The following ANKS1A variants were observed in gnomAD, a reference collection of about 807,000 sequenced individuals.
ANKS1A encodes ankyrin repeat and sterile alpha motif domain containing 1A.
In ANKS1A, 55 loss-of-function variants were observed where a neutral mutation model predicts 120.3. The ratio of observed to expected loss-of-function variants is 0.46; its 90% confidence interval spans 0.37 to 0.57. ANKS1A has a LOEUF of 0.57. Among genes scored for constraint, ANKS1A ranks in the 20% least tolerant of loss-of-function variants. The pLI is 0.00. For missense variants in ANKS1A, 1,123 were observed against 1,480.3 expected (o/e 0.76, Z 3.96); for synonymous variants, 590 against 604.7 (o/e 0.98, Z 0.36).
At position 34,939,410 on chromosome 6, in the gene ANKS1A, T is replaced by C. The variant is rs561774928; in HGVS notation, c.198-27829T>C. Among the ~76,000 whole-genome samples the C allele has an allele frequency of 2.0e-5, 3 of 152,242 alleles. No individual in the cohort carries two copies. The South Asian group carries it at 6.2e-4, about 32-fold the overall frequency. On this transcript the variant is annotated intron_variant, in intron 1 of 23. Coordinates refer to ENST00000360359, the MANE Select transcript of ANKS1A (RefSeq NM_015245.3). ...GGAGTTTGCCTGCAGATCTTGTTGA[T>C]TCAGTGGGCATCTTAGTTGTGGTAT...
chr6:35,053,107 A>G (rs531623792), intron 11 of ANKS1A, among the ~76,000 whole-genome samples: 2 of 152,316 alleles, frequency 1.3e-5, no homozygotes, highest in African/African-American at 2.4e-5. Context: ...TGTTTTTCCA[A>G]TTGTCTGACC....
chr6:34,907,637 A>T (rs1767707004), intron 1 of ANKS1A, among the ~76,000 whole-genome samples: 1 of 152,188 alleles, frequency 6.6e-6, no homozygotes, highest in African/African-American at 2.4e-5. Flanking sequence ...GGTGAAAGGG[A>T]TACGGGGCTC....
chr6:34,981,567 T>C (rs1238226819), intron 3 of ANKS1A, 123 bp from the exon 4 acceptor site: 1 of 1,061,374 alleles, frequency 9.4e-7, no homozygotes, highest in Middle Eastern at 2.6e-4. Context: ...CGACTTTTAT[T>C]AGCCCCCAAG....
Position 34,970,005 on chromosome 6 carries a change from TC to T in ANKS1A, c.279-4del, listed in dbSNP as rs1454105373. 2 of 1,612,952 alleles carry T rather than the reference TC, an allele frequency of 1.2e-6. No homozygotes were observed. Among genetic ancestry groups the T allele is most frequent in the African/African-American group, 2.7e-5 (2 of 75,008 alleles). On this transcript the variant is annotated splice_region_variant and splice_polypyrimidine_tract_variant and intron_variant, in intron 2 of 23. Coordinates refer to ENST00000360359, the MANE Select transcript of ANKS1A (RefSeq NM_015245.3). ...ACCAACTCATGATTGATTTTTGCCTTCTAGGGATGTGGTCGAGGTTCTTCTG... is the reference window on the plus strand; with the variant it reads ...ACCAACTCATGATTGATTTTTGCCTTTAGGGATGTGGTCGAGGTTCTTCTG...
intron 9 of ANKS1A, among the ~76,000 whole-genome samples, chr6:34,991,661 CAT>C (rs1309983468): frequency 1.4e-4 from 14 of 98,070 alleles, no homozygotes; most frequent in Non-Finnish European, 3.1e-4. Context: ...TATATATACA[CAT>C]ATATATACAC....
rs1581761046 is a variant in ANKS1A at position 35,084,550 on chromosome 6, A to C, written c.3132+292A>C. ...ACTATGTTGCCCAGGCTTGCCTTGC[A>C]CTCCTGGGTTCAGGCAAGTTACCCA... On this transcript the variant is annotated intron_variant, in intron 21 of 23. Coordinates refer to ENST00000360359, the MANE Select transcript of ANKS1A (RefSeq NM_015245.3). This position sits in a 1 kb window ranked among gnomAD's most constrained non-coding sequence, Gnocchi z 4.8. Among the ~76,000 whole-genome samples the C allele has an allele frequency of 7.1e-6, 1 of 140,682 alleles. No homozygotes were observed. The highest frequency in any genetic ancestry group is 1.5e-5 in the Non-Finnish European group (1 of 65,944). The allele number at this position is 140,682 out of a possible 152,430, so 92.3% of individuals were successfully genotyped here. A position where few individuals can be genotyped will look rare whatever the true frequency, so the allele number is the denominator to read the frequency against.
At chr6:35,008,289 C>T (rs543813460) in intron 10 of ANKS1A, among the ~76,000 whole-genome samples, 3 of 152,330 alleles carry the variant, frequency 2.0e-5, no homozygotes, top group South Asian at 2.1e-4. Context: ...TCATAGCTCC[C>T]TGCAGCCTCA....
intron 1 of ANKS1A, among the ~76,000 whole-genome samples, chr6:34,941,020 G>A (rs1049980036): frequency 3.3e-5 from 5 of 151,710 alleles, no homozygotes; most frequent in Non-Finnish European, 7.4e-5. Flanking sequence ...ATGGAGTCTT[G>A]CTCTGTCACC....
chr6:35,073,524 C>T (rs1322964406), intron 13 of ANKS1A, among the ~76,000 whole-genome samples: 1 of 152,244 alleles, frequency 6.6e-6, no homozygotes, highest in Admixed American at 6.5e-5. Context: ...TGGGAGCCCT[C>T]CTGTCCCCTC....
At chr6:34,955,556 C>G (rs1163203591) in intron 1 of ANKS1A, among the ~76,000 whole-genome samples, 1 of 152,110 alleles carries the variant, frequency 6.6e-6, no homozygotes, top group Non-Finnish European at 1.5e-5. Context: ...GTTTCGTTTC[C>G]TTCTGCAGAT....
At chr6:35,027,993 C>A (rs1774715957) in intron 11 of ANKS1A, among the ~76,000 whole-genome samples, 1 of 152,270 alleles carries the variant, frequency 6.6e-6, no homozygotes, top group African/African-American at 2.4e-5. Flanking sequence ...TTTTATTTGC[C>A]TGGACAGGTG....
intron 1 of ANKS1A, among the ~76,000 whole-genome samples, chr6:34,917,891 G>A (rs1768242239): frequency 1.3e-5 from 2 of 152,198 alleles, no homozygotes; most frequent in Admixed American, 6.5e-5. Context: ...CCTGGAGAGA[G>A]GAGGAGACTG....
At chr6:34,974,246 CCCCTTCCCCTTCCCCTTCGCTTCCCCTT>C (rs1561882731) in intron 3 of ANKS1A, among the ~76,000 whole-genome samples, 1 of 21,562 alleles carries the variant, frequency 4.6e-5, no homozygotes. Context: ...CGTTCCCGTT[CCCCTTCCCCTTCCCCTTCGCTTCCCCTT>C]CCCTTCCCCT....
rs546264442 is a variant in ANKS1A at position 34,976,870 on chromosome 6, A to G, written c.436-4820A>G. On this transcript the variant is annotated intron_variant, in intron 3 of 23. Transcript: ENST00000360359. The stretch of plus-strand genomic sequence containing the variant: ...GGACATTATGACCCTTTAATCCTAA[A>G]CACTTCCATTTTGGTATTAGTTAGT... Among the ~76,000 whole-genome samples the G allele has an allele frequency of 1.6e-4, 24 of 152,180 alleles. No homozygotes were observed. The East Asian group carries it at 4.6e-3, about 29-fold the overall frequency.
At position 35,085,201 on chromosome 6, in the gene ANKS1A, G is replaced by T. The variant is rs189200289; in HGVS notation, c.3133-565G>T. 7.9e-5 allele frequency among the ~76,000 whole-genome samples: 12 copies of T among 152,230 alleles called. No individual in the cohort carries two copies. The East Asian group carries it at 2.3e-3, about 29-fold the overall frequency. On this transcript the variant is annotated intron_variant, in intron 21 of 23. Transcript: ENST00000360359. This position sits in a 1 kb window ranked among gnomAD's most constrained non-coding sequence, Gnocchi z 4.7. ...CATCTGTCTGGAGGGGATATAATGT[G>T]GCCCACCTCAGGGGCCACTGTGAGA...
At chr6:34,985,310 G>A (rs966708566) in intron 8 of ANKS1A, 32 bp downstream of exon 8, 1 of 1,597,500 alleles carries the variant, frequency 6.3e-7, no homozygotes, top group Admixed American at 1.7e-5. Flanking sequence ...CCTCCTGGGG[G>A]CTGTGTTGGC....
chr6:34,936,667 T>C (rs1189934489), intron 1 of ANKS1A, among the ~76,000 whole-genome samples: 1 of 152,214 alleles, frequency 6.6e-6, no homozygotes, highest in Non-Finnish European at 1.5e-5. Context: ...AAGAAGGCTC[T>C]AATACATGAT....
chr6:34,901,599 C>T (rs905730631), intron 1 of ANKS1A, among the ~76,000 whole-genome samples: 1 of 152,164 alleles, frequency 6.6e-6, no homozygotes, highest in Non-Finnish European at 1.5e-5. Flanking sequence ...TAACTTCAGC[C>T]TCCTGGGCTC....
chr6:35,053,139 G>C (rs1211115717), intron 11 of ANKS1A, among the ~76,000 whole-genome samples: 1 of 152,254 alleles, frequency 6.6e-6, no homozygotes, highest in Non-Finnish European at 1.5e-5. Context: ...CTTGCACTTA[G>C]AGGAAAAAGC....
Sources: gnomAD v4.1 joint callset for allele counts (sites outside exome capture counted in the v4.1 genomes callset) on GRCh38, gnomAD v4.1.1 for gene constraint, Gnocchi (gnomAD v3.1) non-coding constraint, MANE v1.5 for transcripts, NCBI Gene and HGNC (gene_info 2026-07-23, HGNC 2026-07-21) for gene names.